Variants in SUPT3H observed in about 807,000 individuals in gnomAD.
SUPT3H encodes the protein SPT3 homolog, SAGA and STAGA complex component.
A neutral mutation model predicts 44.3 loss-of-function variants in SUPT3H; 44 were observed. That is an observed-to-expected ratio of 0.99 (90% CI 0.78 to 1.28). SUPT3H has a LOEUF of 1.28. Among genes scored for constraint, SUPT3H ranks in the 50% most tolerant of loss-of-function variants. The pLI, the probability that SUPT3H is intolerant of heterozygous loss-of-function variation, is 0.00. For synonymous variants in SUPT3H, 124 were observed against 125.6 expected, an observed-to-expected ratio of 0.99 and a Z score of 0.09; for missense variants, 380 against 387.1, an observed-to-expected ratio of 0.98 and a Z score of 0.15.
intron 10 of SUPT3H, among the ~76,000 whole-genome samples, chr6:44,846,924 C>T (rs1771975065): frequency 6.6e-6 from 1 of 152,182 alleles, no homozygotes; most frequent in African/African-American, 2.4e-5. Flanking sequence ...GGCACTGTAC[C>T]CAGCCCCAGT....
intron 10 of SUPT3H, among the ~76,000 whole-genome samples, chr6:44,920,112 T>A (rs1034185311): frequency 5.3e-5 from 8 of 152,116 alleles, no homozygotes; most frequent in African/African-American, 1.9e-4. Flanking sequence ...TCTCCTGACC[T>A]CGTTATCCAC....
rs184465440 is a variant in SUPT3H at position 45,060,157 on chromosome 6, A to G, written c.187-39525T>C. On this transcript the variant is annotated intron_variant, in intron 3 of 10. Transcript: ENST00000371459. ...ATAGCCAAGACAATCCTAAGCAAAA[A>G]GAACAAAGCTGAAGGCATCATGCTA... is the stretch of plus-strand genomic sequence containing the variant. 5.4e-4 allele frequency among the ~76,000 whole-genome samples: 83 copies of G among 152,330 alleles called. 1 individual carries two copies. Among genetic ancestry groups the G allele is most frequent in the African/African-American group, 2.0e-3 (82 of 41,574 alleles).
At chr6:45,052,618 A>G (rs940329975) in intron 3 of SUPT3H, among the ~76,000 whole-genome samples, 1 of 152,208 alleles carries the variant, frequency 6.6e-6, no homozygotes, top group African/African-American at 2.4e-5. Flanking sequence ...TAACAAAACA[A>G]AACCTCTACA....
intron 10 of SUPT3H, among the ~76,000 whole-genome samples, chr6:44,859,153 CT>C (rs999069919): frequency 3.3e-5 from 5 of 152,154 alleles, no homozygotes; most frequent in Non-Finnish European, 5.9e-5. Flanking sequence ...CTCAAGTTGC[CT>C]AGCCCTGAAC....
chr6:45,162,259 G>A (rs1157237109), intron 2 of SUPT3H, among the ~76,000 whole-genome samples: 1 of 152,042 alleles, frequency 6.6e-6, no homozygotes, highest in East Asian at 1.9e-4. Flanking sequence ...GCCAGGTGTA[G>A]TGCTTGTAAT....
At chr6:45,006,659 T>C (rs1782765631) in intron 5 of SUPT3H, among the ~76,000 whole-genome samples, 2 of 152,110 alleles carry the variant, frequency 1.3e-5, no homozygotes, top group Admixed American at 1.3e-4. Context: ...CTTTCCAGTA[T>C]CAAGAGACCT....
At chr6:45,337,366 A>C (rs900477889) in intron 2 of SUPT3H, among the ~76,000 whole-genome samples, 24 of 151,804 alleles carry the variant, frequency 1.6e-4, no homozygotes, top group African/African-American at 5.3e-4. Flanking sequence ...GTGTATCTCC[A>C]GCATTCGAAG....
At chr6:45,238,686 G>A (rs528338042) in intron 2 of SUPT3H, among the ~76,000 whole-genome samples, 17 of 152,250 alleles carry the variant, frequency 1.1e-4, no homozygotes, top group African/African-American at 2.9e-4. Flanking sequence ...TTCCACATGT[G>A]AATTCATGGA....
intron 2 of SUPT3H, among the ~76,000 whole-genome samples, chr6:45,358,745 G>A (rs1793702277): frequency 1.3e-5 from 2 of 152,022 alleles, no homozygotes; most frequent in African/African-American, 2.4e-5. Flanking sequence ...AGTTAATACT[G>A]TACATAAATC....
intron 11 of SUPT3H, among the ~76,000 whole-genome samples, chr6:44,809,987 C>A (rs1370362133): frequency 3.3e-5 from 5 of 152,172 alleles, no homozygotes; most frequent in Admixed American, 1.3e-4. Context: ...AGGAAACAAA[C>A]CTTGTGGTGA....
At chr6:44,976,575 C>T (rs1172167206) in intron 6 of SUPT3H, among the ~76,000 whole-genome samples, 1 of 152,060 alleles carries the variant, frequency 6.6e-6, no homozygotes, top group Non-Finnish European at 1.5e-5. Flanking sequence ...GTTGGCTAGG[C>T]TGGTTTCAAA....
chr6:45,010,269 G>A (rs1391967417), intron 5 of SUPT3H, among the ~76,000 whole-genome samples: 4 of 152,024 alleles, frequency 2.6e-5, no homozygotes, highest in African/African-American at 7.2e-5. Flanking sequence ...ACAAAATTAT[G>A]TTATCTGTAA....
At chr6:45,088,581 C>T (rs1796757424) in intron 3 of SUPT3H, among the ~76,000 whole-genome samples, 1 of 151,880 alleles carries the variant, frequency 6.6e-6, no homozygotes. Flanking sequence ...GTTATGAAGC[C>T]AAGATTCAAA....
At chr6:45,320,678 G>C (rs2150033156) in intron 2 of SUPT3H, among the ~76,000 whole-genome samples, 1 of 152,284 alleles carries the variant, frequency 6.6e-6, no homozygotes, top group Non-Finnish European at 1.5e-5. Context: ...GAGTTAGGTA[G>C]TTAACAGAAA....
intron 2 of SUPT3H, among the ~76,000 whole-genome samples, chr6:45,176,419 G>A (rs1028658829): frequency 1.3e-5 from 2 of 152,140 alleles, no homozygotes; most frequent in African/African-American, 2.4e-5. Flanking sequence ...GGCTCGGAGG[G>A]TCCTACGCCC....
chr6:45,319,728 T>C (rs62400326), intron 2 of SUPT3H, among the ~76,000 whole-genome samples: 34,557 of 152,104 alleles, frequency 0.23, 4,613 homozygotes, highest in Non-Finnish European at 0.31. Flanking sequence ...TGGAAATACA[T>C]AGTAATATCA....
At chr6:45,325,708 T>C (rs1305629326) in intron 2 of SUPT3H, among the ~76,000 whole-genome samples, 2 of 151,854 alleles carry the variant, frequency 1.3e-5, no homozygotes, top group Admixed American at 6.6e-5. Flanking sequence ...TATAAATCTA[T>C]AATCAAGAGC....
chr6:45,056,870 C>G (rs1463685844), intron 3 of SUPT3H, among the ~76,000 whole-genome samples: 2 of 151,990 alleles, frequency 1.3e-5, no homozygotes, highest in East Asian at 3.9e-4. Flanking sequence ...AAGTTCCAGT[C>G]TTAAACAACA....
chr6:44,989,044 G>A (rs1423931990), intron 6 of SUPT3H, among the ~76,000 whole-genome samples: 1 of 152,104 alleles, frequency 6.6e-6, no homozygotes, highest in Non-Finnish European at 1.5e-5. Context: ...TTGGCCTATA[G>A]TTGTATGTGA....
Sources: allele counts gnomAD v4.1 joint callset (sites outside exome capture counted in the v4.1 genomes callset), GRCh38; gene constraint gnomAD v4.1.1; transcripts MANE v1.5; gene names NCBI Gene and HGNC (gene_info 2026-07-23, HGNC 2026-07-21).